Variants in ANKIB1 observed in about 807,000 individuals in gnomAD.
The protein encoded by ANKIB1 is ankyrin repeat and IBR domain-containing protein 1.
A neutral mutation model predicts 122.1 loss-of-function variants in ANKIB1; 43 were observed. The ratio of observed to expected loss-of-function variants is 0.35; its 90% CI spans 0.28 to 0.45. ANKIB1 has a LOEUF of 0.45. Among genes scored for constraint, ANKIB1 ranks in the 20% least tolerant of loss-of-function variants. The probability of loss-of-function intolerance (pLI) is 1.00; values close to 1 mark genes in which losing one functional copy is unlikely to be tolerated. For missense variants in ANKIB1, 992 were observed against 1,329.5 expected (o/e 0.75, Z 3.95); for synonymous variants, 390 against 442.0 (o/e 0.88, Z 1.48).
chr7:92,386,491 C>T lies in ANKIB1; in HGVS notation c.1618-18C>T. Reference sequence around the variant, plus strand: ...TATTAATATGGGGAGATGTTTTCATCTGTGTTTTCTTTTGAAGTGCAAGTA... The same window carrying T: ...TATTAATATGGGGAGATGTTTTCATTTGTGTTTTCTTTTGAAGTGCAAGTA... On this transcript the variant is annotated intron_variant, in intron 11 of 19. Transcript: ENST00000265742. 6.4e-7 allele frequency: 1 copy of T among 1,574,192 alleles called. No individual in the cohort carries two copies. Among genetic ancestry groups the T allele is most frequent in the East Asian group, 2.3e-5 (1 of 43,484 alleles).
chr7:92,338,163 C>A (rs1803330770), intron 5 of ANKIB1, among the ~76,000 whole-genome samples: 1 of 151,800 alleles, frequency 6.6e-6, no homozygotes, highest in Non-Finnish European at 1.5e-5. Flanking sequence ...GTAATTTTAG[C>A]ACTTGGGGAG....
intron 3 of ANKIB1, among the ~76,000 whole-genome samples, chr7:92,313,134 T>A (rs1259352291): frequency 6.6e-6 from 1 of 152,224 alleles, no homozygotes; most frequent in African/African-American, 2.4e-5. Context: ...TTTTTTTAAA[T>A]GAGTGTTATC....
At position 92,279,213 on chromosome 7, in the gene ANKIB1, G is replaced by A. The variant is rs552538100; in HGVS notation, c.-90-15676G>A. ...TGTTCACTTGCCCGCTGCTCACCTC[G>A]TGCTGTGTGGCCTGGTTCCTAACAG... On this transcript the variant is annotated intron_variant, in intron 1 of 19. Coordinates refer to ENST00000265742, the MANE Select transcript of ANKIB1 (RefSeq NM_019004.2). 4.6e-5 allele frequency among the ~76,000 whole-genome samples: 7 copies of A among 152,252 alleles called. No individual in the cohort carries two copies. In the South Asian group the frequency reaches 1.0e-3, roughly 23 times the overall value.
rs76209380 is a variant in ANKIB1 at position 92,314,895 on chromosome 7, G to A, written c.487-4435G>A. On this transcript the variant is annotated intron_variant, in intron 3 of 19. Transcript: ENST00000265742. ...TAATTCTATTGTGAACTGACAAAGCGTCTGGGTTTGTGTGGTGGTACTGGA... is the reference window on the plus strand; with the variant it reads ...TAATTCTATTGTGAACTGACAAAGCATCTGGGTTTGTGTGGTGGTACTGGA... Among the ~76,000 whole-genome samples the A allele has an allele frequency of 4.2e-3, 632 of 152,234 alleles. 4 individuals carry two copies. The Middle Eastern group carries it at 0.044, about 11-fold the overall frequency.
At chr7:92,277,600 A>G (rs1462368968) in intron 1 of ANKIB1, among the ~76,000 whole-genome samples, 1 of 152,168 alleles carries the variant, frequency 6.6e-6, no homozygotes, top group East Asian at 1.9e-4. Flanking sequence ...TGTCCATGTT[A>G]CGAGTTCATT....
chr7:92,313,841 G>C (rs1802739660), intron 3 of ANKIB1, among the ~76,000 whole-genome samples: 1 of 152,178 alleles, frequency 6.6e-6, no homozygotes, highest in Non-Finnish European at 1.5e-5. Flanking sequence ...GCATGGCAGA[G>C]TTTGAGAAGC....
intron 1 of ANKIB1, among the ~76,000 whole-genome samples, chr7:92,285,125 T>C (rs911113338): frequency 6.6e-6 from 1 of 152,148 alleles, no homozygotes; most frequent in African/African-American, 2.4e-5. Flanking sequence ...TGGAGTGCAG[T>C]GGCACTATCT....
At chr7:92,325,212 C>T (rs905584601) in intron 4 of ANKIB1, among the ~76,000 whole-genome samples, 2 of 152,198 alleles carry the variant, frequency 1.3e-5, no homozygotes, top group African/African-American at 4.8e-5. Flanking sequence ...TCTAAAGAAT[C>T]ATCCTTCCCT....
intron 9 of ANKIB1, among the ~76,000 whole-genome samples, chr7:92,353,056 C>T (rs993553315): frequency 5.3e-5 from 8 of 152,088 alleles, no homozygotes; most frequent in East Asian, 1.9e-4. Flanking sequence ...TAGAGTTTAA[C>T]GTTTCATTAA....
intron 1 of ANKIB1, among the ~76,000 whole-genome samples, chr7:92,270,224 G>C (rs529208433): frequency 6.6e-5 from 10 of 152,102 alleles, no homozygotes; most frequent in African/African-American, 2.4e-4. Flanking sequence ...CACCATGCCT[G>C]GCTAAATTTT....
At chr7:92,296,852 A>G (rs1315157150) in intron 2 of ANKIB1, among the ~76,000 whole-genome samples, 2 of 152,168 alleles carry the variant, frequency 1.3e-5, no homozygotes, top group Non-Finnish European at 2.9e-5. Flanking sequence ...ATCCAGGCCT[A>G]TGACTTAATT....
At chr7:92,261,346 C>T (rs1801558971) in intron 1 of ANKIB1, among the ~76,000 whole-genome samples, 1 of 128,484 alleles carries the variant, frequency 7.8e-6, no homozygotes, top group African/African-American at 3.0e-5. Flanking sequence ...GAGACTCCGT[C>T]TCAAAAAAAA....
chr7:92,393,685 G>A (rs765489017), intron 17 of ANKIB1, among the ~76,000 whole-genome samples: 2 of 152,032 alleles, frequency 1.3e-5, no homozygotes, highest in Non-Finnish European at 2.9e-5. Flanking sequence ...ACTAATATGA[G>A]TGTCACTTTG....
chr7:92,374,401 C>G (rs1344184577), intron 11 of ANKIB1, among the ~76,000 whole-genome samples: 1 of 152,162 alleles, frequency 6.6e-6, no homozygotes, highest in Non-Finnish European at 1.5e-5. Context: ...TCACTTGAAC[C>G]TGGGAGGCGG....
intron 17 of ANKIB1, chr7:92,396,102 T>C (rs763414214): frequency 1.8e-5 from 8 of 434,622 alleles, no homozygotes; most frequent in Admixed American, 1.3e-4. Flanking sequence ...GCATATAAAA[T>C]AGGGCTGTTC....
At chr7:92,284,702 T>C (rs139495557) in intron 1 of ANKIB1, among the ~76,000 whole-genome samples, 142 of 152,352 alleles carry the variant, frequency 9.3e-4, no homozygotes, top group African/African-American at 3.2e-3. Flanking sequence ...CTTTTCTTTT[T>C]TCACATAGAG....
intron 18 of ANKIB1, 128 bp from the exon 19 acceptor site, chr7:92,397,595 A>G: frequency 3.3e-6 from 3 of 913,830 alleles, no homozygotes; most frequent in Admixed American, 4.5e-5. Flanking sequence ...GATTAAGTGA[A>G]CATGTCAACA....
At chr7:92,299,237 G>A (rs1299058170) in intron 2 of ANKIB1, among the ~76,000 whole-genome samples, 1 of 152,210 alleles carries the variant, frequency 6.6e-6, no homozygotes, top group Admixed American at 6.5e-5. Context: ...TAAGATTGAT[G>A]ATGATAGCTT....
At chr7:92,384,825 G>T (rs1207970339) in intron 11 of ANKIB1, among the ~76,000 whole-genome samples, 1 of 152,138 alleles carries the variant, frequency 6.6e-6, no homozygotes, top group East Asian at 1.9e-4. Context: ...CATAGGCATG[G>T]ACAAGGACTT....
Sources: gnomAD v4.1 joint callset for allele counts (sites outside exome capture counted in the v4.1 genomes callset) on GRCh38, gnomAD v4.1.1 for gene constraint, MANE v1.5 for transcripts, NCBI Gene and HGNC (gene_info 2026-07-23, HGNC 2026-07-21) for gene names.